The following CADM2 variants were observed in gnomAD, a reference collection of about 807,000 sequenced individuals.
CADM2 encodes the protein immunoglobulin superfamily member 4D.
A neutral mutation model predicts 49.8 loss-of-function variants in CADM2; 12 were observed. The observed-to-expected ratio is 0.24, with a 90% confidence interval of 0.15 to 0.39. The LOEUF is 0.39. CADM2 is among the 10% of genes least tolerant of loss of function. CADM2 has a pLI of 1.00. For missense variants in CADM2, 378 were observed against 492.3 expected, an observed-to-expected ratio of 0.77 and a Z score of 2.20; for synonymous variants, 214 against 175.4, an observed-to-expected ratio of 1.22 and a Z score of -1.74.
chr3:85,489,800 T>TTTAAC (rs1229922682), intron 1 of CADM2, among the ~76,000 whole-genome samples: 1 of 135,554 alleles, frequency 7.4e-6, no homozygotes, highest in Non-Finnish European at 1.7e-5. Flanking sequence ...TGTGTGTGTG[T>TTTAAC]GTGTGTGAGA....
At chr3:85,986,813 C>T (rs755543238) in intron 8 of CADM2, among the ~76,000 whole-genome samples, 5 of 151,924 alleles carry the variant, frequency 3.3e-5, no homozygotes, top group Non-Finnish European at 7.4e-5. Flanking sequence ...AACCTTGCTG[C>T]GAGTATCACA....
chr3:85,592,284 T>C (rs1350060966), intron 1 of CADM2, among the ~76,000 whole-genome samples: 1 of 151,954 alleles, frequency 6.6e-6, no homozygotes, highest in Non-Finnish European at 1.5e-5. Context: ...TTGATGATTA[T>C]TAAAAAGAAT....
intron 1 of CADM2, among the ~76,000 whole-genome samples, chr3:85,018,455 G>T (rs1178480668): frequency 6.6e-6 from 1 of 152,036 alleles, no homozygotes; most frequent in Admixed American, 6.5e-5. Flanking sequence ...TTGGCTCACC[G>T]CAACCTCTGT....
At chr3:85,120,691 AG>A (rs932075130) in intron 1 of CADM2, among the ~76,000 whole-genome samples, 3 of 152,006 alleles carry the variant, frequency 2.0e-5, no homozygotes, top group African/African-American at 7.2e-5. Context: ...GTAGGGGGCC[AG>A]GGGAGGGATA....
intron 1 of CADM2, among the ~76,000 whole-genome samples, chr3:85,657,761 G>GATAT (rs763157128): frequency 0.011 from 1,193 of 111,414 alleles, 11 homozygotes; most frequent in African/African-American, 0.022. Flanking sequence ...TATATACACA[G>GATAT]ATATATATAT....
chr3:85,842,185 C>A (rs2074667785), intron 3 of CADM2, among the ~76,000 whole-genome samples: 1 of 152,018 alleles, frequency 6.6e-6, no homozygotes, highest in South Asian at 2.1e-4. Flanking sequence ...AACAAATCAG[C>A]ACTAGAAGGA....
chr3:85,662,339 C>T lies in CADM2; in HGVS notation c.62-64183C>T, dbSNP rs181957527. On this transcript the variant is annotated intron_variant, in intron 1 of 9. Transcript: ENST00000383699. ...AGAGATTTCTCTTAGGAATTCATCTCTTCTGCATTTACACAATTGCTGCTT... is the reference window on the plus strand; with the variant it reads ...AGAGATTTCTCTTAGGAATTCATCTTTTCTGCATTTACACAATTGCTGCTT... 7.3e-5 allele frequency among the ~76,000 whole-genome samples: 11 copies of T among 151,382 alleles called. No individual in the cohort carries two copies. In the East Asian group the frequency reaches 1.8e-3, roughly 24 times the overall value.
chr3:85,761,970 C>T (rs982402804), intron 2 of CADM2, among the ~76,000 whole-genome samples: 1 of 152,122 alleles, frequency 6.6e-6, no homozygotes, highest in African/African-American at 2.4e-5. Context: ...CCAACAGCCA[C>T]TCCTTGTTTT....
chr3:85,144,033 C>A (rs2039655191), intron 1 of CADM2, among the ~76,000 whole-genome samples: 1 of 152,092 alleles, frequency 6.6e-6, no homozygotes, highest in African/African-American at 2.4e-5. Context: ...GGCATCTCTC[C>A]CTGAAGTACT....
rs2032263903 is a variant in CADM2, at chr3:85,360,285, G to T, written c.62-366237G>T. Among the ~76,000 whole-genome samples, 3 of 152,150 alleles carry T rather than the reference G, an allele frequency of 2.0e-5. No individual in the cohort carries two copies. In the South Asian group the frequency reaches 6.2e-4, roughly 32 times the overall value. On this transcript the variant is annotated intron_variant, in intron 1 of 9. Coordinates refer to ENST00000383699, the MANE Select transcript of CADM2 (RefSeq NM_001167675.2). ...ACCAGTGAAACATCTACTATTGTTA[G>T]CTAATAACACAAAAATATAAAATAA...
At chr3:85,386,602 T>A (rs1650831236) in intron 1 of CADM2, among the ~76,000 whole-genome samples, 1 of 152,198 alleles carries the variant, frequency 6.6e-6, no homozygotes, top group African/African-American at 2.4e-5. Flanking sequence ...AGTGTGCGTG[T>A]TGTGGGCAGA....
At chr3:85,348,898 T>C (rs2031051232) in intron 1 of CADM2, among the ~76,000 whole-genome samples, 2 of 152,186 alleles carry the variant, frequency 1.3e-5, no homozygotes, top group Admixed American at 6.5e-5. Flanking sequence ...TATTTTTTCA[T>C]ATGGTCTTGT....
At chr3:85,326,659 AT>A (rs2044759824) in intron 1 of CADM2, among the ~76,000 whole-genome samples, 1 of 152,136 alleles carries the variant, frequency 6.6e-6, no homozygotes, top group African/African-American at 2.4e-5. Flanking sequence ...GTTGAAAGCC[AT>A]TTTCAATTGT....
intron 1 of CADM2, among the ~76,000 whole-genome samples, chr3:85,120,175 T>C (rs764640629): frequency 4.6e-5 from 7 of 152,064 alleles, no homozygotes; most frequent in Non-Finnish European, 1.0e-4. Flanking sequence ...TCATTAAAAG[T>C]CAGGAAACAA....
At chr3:85,808,115 C>T (rs1316061365) in intron 3 of CADM2, among the ~76,000 whole-genome samples, 2 of 152,198 alleles carry the variant, frequency 1.3e-5, no homozygotes, top group East Asian at 1.9e-4. Flanking sequence ...CCTACAAAGT[C>T]GAAATTCAAT....
At chr3:85,293,850 C>T (rs1204308451) in intron 1 of CADM2, among the ~76,000 whole-genome samples, 1 of 149,814 alleles carries the variant, frequency 6.7e-6, no homozygotes, top group Non-Finnish European at 1.5e-5. Flanking sequence ...TGGGCAAAAA[C>T]TGGAAGCATT....
At chr3:85,863,385 G>A (rs971616932) in intron 3 of CADM2, among the ~76,000 whole-genome samples, 2 of 152,096 alleles carry the variant, frequency 1.3e-5, no homozygotes, top group Non-Finnish European at 2.9e-5. Flanking sequence ...TGGGAGATGA[G>A]GCCTTTAAGA....
At chr3:85,579,562 G>T (rs1316744347) in intron 1 of CADM2, among the ~76,000 whole-genome samples, 2 of 152,122 alleles carry the variant, frequency 1.3e-5, no homozygotes, top group African/African-American at 4.8e-5. Flanking sequence ...AACATGCAAT[G>T]AAATAGCTGT....
At chr3:86,028,572 C>T (rs1734196616) in intron 8 of CADM2, among the ~76,000 whole-genome samples, 1 of 152,118 alleles carries the variant, frequency 6.6e-6, no homozygotes, top group African/African-American at 2.4e-5. Flanking sequence ...AGAAAATCTT[C>T]TCTTTGAAGC....
Sources: allele counts gnomAD v4.1 joint callset (sites outside exome capture counted in the v4.1 genomes callset), GRCh38; gene constraint gnomAD v4.1.1; transcripts MANE v1.5; gene names NCBI Gene and HGNC (gene_info 2026-07-23, HGNC 2026-07-21).